The following ANXA4 variants were observed in gnomAD, a reference collection of about 807,000 sequenced individuals.
The protein encoded by ANXA4 is 35-beta calcimedin.
ANXA4 carries 39 observed loss-of-function variants against 49.8 expected under a neutral mutation model. The ratio of observed to expected loss-of-function variants is 0.78; its 90% CI spans 0.61 to 1.02. The LOEUF (loss-of-function observed/expected upper bound fraction) is 1.02. ANXA4 is among the 50% of genes least tolerant of loss of function. The probability of loss-of-function intolerance (pLI) is 0.00; values close to 1 mark genes in which losing one functional copy is unlikely to be tolerated. For missense variants in ANXA4, 360 were observed against 410.1 expected, an observed-to-expected ratio of 0.88 and a Z score of 1.05; for synonymous variants, 134 against 152.5, an observed-to-expected ratio of 0.88 and a Z score of 0.89.
At chr2:69,764,462 C>T (rs995867593) in intron 1 of ANXA4, among the ~76,000 whole-genome samples, 5 of 152,152 alleles carry the variant, frequency 3.3e-5, no homozygotes, top group Non-Finnish European at 7.3e-5. Context: ...CACATGGATT[C>T]CACTGGTTTG....
At chr2:69,740,317 T>C (rs1336605430), upstream of ANXA4, among the ~76,000 whole-genome samples, 1 of 152,102 alleles carries the variant, frequency 6.6e-6, no homozygotes, top group East Asian at 1.9e-4. Flanking sequence ...GGGATTACAG[T>C]CTGAGCCACC....
At chr2:69,659,778 A>G (rs1310802550) in intron 2 of ANXA4, among the ~76,000 whole-genome samples, 1 of 152,224 alleles carries the variant, frequency 6.6e-6, no homozygotes, top group Non-Finnish European at 1.5e-5. Flanking sequence ...CTTGCAAGAA[A>G]GAAATGTGAG....
rs1050576058 is a variant in ANXA4 at position 69,729,814 on chromosome 2, A to G, written n.864+8943A>G. Among the ~76,000 whole-genome samples, 17 of 152,328 alleles carry G rather than the reference A, an allele frequency of 1.1e-4. 1 individual carries two copies. The highest frequency in any genetic ancestry group is 1.1e-3 in the Admixed American group (17 of 15,298). On this transcript the variant is annotated intron_variant and non_coding_transcript_variant, in intron 3 of 3. Transcript: ENST00000418066. The stretch of plus-strand genomic sequence containing the variant: ...TAAAATGTACTGTGTTCAGTTTATA[A>G]AAAGATGTTATAATTGTTGGGAGAT...
chr2:69,796,857 C>T (rs903913098), intron 3 of ANXA4, among the ~76,000 whole-genome samples: 12 of 152,202 alleles, frequency 7.9e-5, no homozygotes, highest in African/African-American at 2.2e-4. Context: ...TCCACAGACC[C>T]GCCTGATATG....
At chr2:69,662,537 A>G (rs554905527) in intron 2 of ANXA4, among the ~76,000 whole-genome samples, 1 of 152,178 alleles carries the variant, frequency 6.6e-6, no homozygotes, top group African/African-American at 2.4e-5. Context: ...TTGAAGAGCC[A>G]TATGAAACTT....
chr2:69,793,070 G>A (rs909564805), intron 3 of ANXA4, among the ~76,000 whole-genome samples: 2 of 151,380 alleles, frequency 1.3e-5, no homozygotes, highest in African/African-American at 4.8e-5. Context: ...TGGCCAACAT[G>A]GTGAAACCCC....
intron 3 of ANXA4, among the ~76,000 whole-genome samples, chr2:69,793,590 T>C (rs1446694570): frequency 6.6e-6 from 1 of 152,164 alleles, no homozygotes; most frequent in Non-Finnish European, 1.5e-5. Context: ...CCCAATTGGA[T>C]TATTGGCCTC....
intron 2 of ANXA4, among the ~76,000 whole-genome samples, chr2:69,677,073 C>T (rs891696755): frequency 6.6e-6 from 1 of 152,132 alleles, no homozygotes; most frequent in African/African-American, 2.4e-5. Context: ...ACCTCAGCTT[C>T]CCAAAGTGTT....
chr2:69,746,808 C>G (rs920235108), intron 1 of ANXA4, among the ~76,000 whole-genome samples: 2 of 124,180 alleles, frequency 1.6e-5, no homozygotes, highest in African/African-American at 3.1e-5. Context: ...CTGTCTCTAC[C>G]AAAAACAAAC....
intron 3 of ANXA4, among the ~76,000 whole-genome samples, chr2:69,788,383 T>TA (rs1672509117): frequency 6.6e-6 from 1 of 151,526 alleles, no homozygotes. Context: ...AGACTAAAAA[T>TA]AAAAAAATTA....
At chr2:69,656,611 G>A (rs1257828495) in intron 2 of ANXA4, among the ~76,000 whole-genome samples, 2 of 142,774 alleles carry the variant, frequency 1.4e-5, no homozygotes, top group Non-Finnish European at 3.0e-5. Flanking sequence ...GGAGTTTAGC[G>A]GCCTGATTTC....
chr2:69,780,002 T>C (rs80134053), intron 1 of ANXA4, among the ~76,000 whole-genome samples: 1 of 152,190 alleles, frequency 6.6e-6, no homozygotes, highest in East Asian at 1.9e-4. Flanking sequence ...AAAAAGCAAA[T>C]GTGATCAAAC....
intron 1 of ANXA4, among the ~76,000 whole-genome samples, chr2:69,746,174 G>A (rs766194075): frequency 1.8e-4 from 27 of 151,996 alleles, no homozygotes; most frequent in Non-Finnish European, 3.4e-4. Flanking sequence ...ACCATGCCAG[G>A]CTAATTTTTG....
chr2:69,665,213 A>G (rs1054538688), intron 2 of ANXA4, among the ~76,000 whole-genome samples: 1 of 152,214 alleles, frequency 6.6e-6, no homozygotes, highest in Admixed American at 6.5e-5. Context: ...CCTTTGGAGC[A>G]TATAAGTACA....
At chr2:69,657,625 TTTATA>T (rs1416177164) in intron 2 of ANXA4, among the ~76,000 whole-genome samples, 1 of 152,186 alleles carries the variant, frequency 6.6e-6, no homozygotes, top group East Asian at 1.9e-4. Flanking sequence ...ATTTATTGAT[TTTATA>T]TTATAATTCT....
chr2:69,699,435 T>TA (rs1170744218), intron 2 of ANXA4, among the ~76,000 whole-genome samples: 1 of 151,424 alleles, frequency 6.6e-6, no homozygotes, highest in African/African-American at 2.4e-5. Context: ...AGCCCAGGAG[T>TA]TCAAGACCAG....
rs112978474 is a variant in ANXA4, at chr2:69,770,745, G to A, written c.-46-10775G>A. On this transcript the variant is annotated intron_variant, in intron 1 of 12. Coordinates refer to ENST00000394295, the MANE Select transcript of ANXA4 (RefSeq NM_001153.5). ...CGCACACACACATGCAAACACACAC[G>A]TGCAGACACACACACGTGCAGACAC... 5.2e-3 allele frequency among the ~76,000 whole-genome samples: 786 copies of A among 150,942 alleles called. 7 individuals are homozygous for A. The highest frequency in any genetic ancestry group is 0.018 in the African/African-American group (738 of 40,506).
intron 2 of ANXA4, among the ~76,000 whole-genome samples, chr2:69,656,369 GTATATATGTGTATATATATGTGTA>G (rs1421662992): frequency 8.5e-6 from 1 of 117,750 alleles, no homozygotes; most frequent in African/African-American, 3.8e-5. Flanking sequence ...ATATATATGT[GTATATATGTGTATATATATGTGTA>G]TATATATGTA....
intron 2 of ANXA4, among the ~76,000 whole-genome samples, chr2:69,703,411 C>T (rs936323780): frequency 6.6e-6 from 1 of 152,056 alleles, no homozygotes; most frequent in African/African-American, 2.4e-5. Flanking sequence ...ATTAAGTGAT[C>T]ACTTCCCATT....
Sources: gnomAD v4.1 joint callset for allele counts (sites outside exome capture counted in the v4.1 genomes callset) on GRCh38, gnomAD v4.1.1 for gene constraint, MANE v1.5 for transcripts, NCBI Gene and HGNC (gene_info 2026-07-23, HGNC 2026-07-21) for gene names.